Variants in ADAMTS6 observed in about 807,000 individuals in gnomAD.
The protein encoded by ADAMTS6 is ADAM metallopeptidase with thrombospondin type 1 motif 6.
In ADAMTS6, 23 loss-of-function variants were observed where a neutral mutation model predicts 144.3. That is an observed-to-expected ratio of 0.16 (90% confidence interval 0.11 to 0.23). ADAMTS6 has a LOEUF of 0.23. ADAMTS6 is among the 10% of genes least tolerant of loss of function. ADAMTS6 has a pLI of 1.00. For missense variants in ADAMTS6, 999 were observed against 1,379.6 expected (o/e 0.72, Z 4.37); for synonymous variants, 444 against 457.5 (o/e 0.97, Z 0.38).
chr5:65,385,587 TTTTA>T (rs1021371523), intron 7 of ADAMTS6, among the ~76,000 whole-genome samples: 18 of 152,208 alleles, frequency 1.2e-4, no homozygotes, highest in African/African-American at 3.1e-4. Flanking sequence ...TCATTTTTTA[TTTTA>T]TTTATTGTTA....
chr5:65,325,364 A>G (rs965147882), intron 9 of ADAMTS6, among the ~76,000 whole-genome samples: 2 of 152,160 alleles, frequency 1.3e-5, no homozygotes, highest in African/African-American at 4.8e-5. Flanking sequence ...TTCCTAATTC[A>G]TTTTATAAAA....
intron 7 of ADAMTS6, among the ~76,000 whole-genome samples, chr5:65,354,147 A>T (rs908063449): frequency 5.9e-5 from 9 of 151,936 alleles, no homozygotes; most frequent in African/African-American, 2.2e-4. Flanking sequence ...GCTGCTCTTA[A>T]ATTATGCAAT....
At chr5:65,164,090 G>A (rs1260698689) in intron 24 of ADAMTS6, among the ~76,000 whole-genome samples, 7 of 152,108 alleles carry the variant, frequency 4.6e-5, no homozygotes, top group African/African-American at 7.2e-5. Flanking sequence ...CGCAGAAGAC[G>A]GGTGATTTCT....
At chr5:65,208,975 T>C (rs1317106590) in intron 20 of ADAMTS6, among the ~76,000 whole-genome samples, 1 of 152,218 alleles carries the variant, frequency 6.6e-6, no homozygotes, top group Non-Finnish European at 1.5e-5. Context: ...TCAGAAATTG[T>C]TGGTAGAACA....
chr5:65,410,285 T>C (rs1172943302), intron 7 of ADAMTS6, among the ~76,000 whole-genome samples: 2 of 152,180 alleles, frequency 1.3e-5, no homozygotes, highest in Non-Finnish European at 2.9e-5. Context: ...TATTGTTAGA[T>C]AGAAATTCAA....
chr5:65,434,003 C>A (rs971353750), intron 7 of ADAMTS6, among the ~76,000 whole-genome samples: 1 of 152,154 alleles, frequency 6.6e-6, no homozygotes, highest in Non-Finnish European at 1.5e-5. Context: ...GGAGAAACAA[C>A]CCAGTCCATC....
At chr5:65,248,311 A>C (rs1201333819) in intron 14 of ADAMTS6, among the ~76,000 whole-genome samples, 1 of 152,054 alleles carries the variant, frequency 6.6e-6, no homozygotes, top group Non-Finnish European at 1.5e-5. Context: ...CTATATATTT[A>C]CTTTTAAAGC....
intron 22 of ADAMTS6, among the ~76,000 whole-genome samples, chr5:65,181,794 G>A (rs1754370064): frequency 6.6e-6 from 1 of 152,200 alleles, no homozygotes; most frequent in African/African-American, 2.4e-5. Context: ...CATATAGGAT[G>A]TATACGGAAC....
At chr5:65,181,381 G>C (rs1754341019) in intron 22 of ADAMTS6, among the ~76,000 whole-genome samples, 1 of 152,064 alleles carries the variant, frequency 6.6e-6, no homozygotes. Context: ...AGACTTAAGA[G>C]GATTTCTGCC....
At chr5:65,175,977 CA>C (rs1401741980) in intron 22 of ADAMTS6, among the ~76,000 whole-genome samples, 1 of 151,650 alleles carries the variant, frequency 6.6e-6, no homozygotes, top group African/African-American at 2.4e-5. Context: ...AGGTTTTCAA[CA>C]AAAGTAAAGT....
intron 21 of ADAMTS6, among the ~76,000 whole-genome samples, chr5:65,196,350 G>A (rs564562055): frequency 6.6e-5 from 10 of 151,698 alleles, no homozygotes; most frequent in East Asian, 1.9e-4. Context: ...GTGAAACCCC[G>A]TCTCTACTAA....
Position 65,214,677 on chromosome 5 carries a change from A to G in ADAMTS6, c.2575+117T>C. 1.3e-6 allele frequency: 2 copies of G among 1,481,492 alleles called. No homozygotes were observed. Among genetic ancestry groups the G allele is most frequent in the Non-Finnish European group, 1.9e-6 (2 of 1,071,220 alleles). 91.8% of individuals were successfully genotyped at this position (1,481,492 alleles called of 1,614,324 possible). A position where few individuals can be genotyped will look rare whatever the true frequency, so the allele number is the denominator to read the frequency against. ...GTTTCTTTTGCTAAATTACAGCTTGAAGCAAACCTGCAAGAAATGTTTCCA... is the reference window on the plus strand; with the variant it reads ...GTTTCTTTTGCTAAATTACAGCTTGGAGCAAACCTGCAAGAAATGTTTCCA... On this transcript the variant is annotated intron_variant, in intron 20 of 24. Transcript: ENST00000381055. The surrounding 1 kb of genome is among the most constrained non-coding windows in gnomAD (Gnocchi z 4.6).
In ADAMTS6 at chr5:65,300,006, T is replaced by C. The variant is rs372973372; in HGVS notation, c.1349A>G (p.Asp450Gly). ...TTACTCTAGAAAGCTGGTGATGTAGTCTCGACTGCAAGCAGACCAGGAAAA... is the reference window on the plus strand; with the variant it reads ...TTACTCTAGAAAGCTGGTGATGTAGCCTCGACTGCAAGCAGACCAGGAAAA... The part of the protein sequence containing the change: ...NPFSWSACSR[D>G]YITSFLDSGR... The change falls in exon 10 of 25, where the codon GAC becomes GGC. Residue 450 changes from aspartate (D) to glycine (G), a missense_variant. Asp to Gly is a moderately conservative substitution (Grantham distance 94, BLOSUM62 -1). Transcript: ENST00000381055. 1.3e-5 allele frequency: 21 copies of C among 1,613,878 alleles called. No individual in the cohort carries two copies. Among genetic ancestry groups the C allele is most frequent in the Non-Finnish European group, 1.8e-5 (21 of 1,179,934 alleles).
At chr5:65,259,961 C>T (rs957432841) in intron 14 of ADAMTS6, among the ~76,000 whole-genome samples, 6 of 152,062 alleles carry the variant, frequency 3.9e-5, no homozygotes, top group African/African-American at 1.4e-4. Flanking sequence ...CATTGTCAAT[C>T]CACTTTGAGG....
At chr5:65,158,390 C>G (rs150000071) in intron 24 of ADAMTS6, among the ~76,000 whole-genome samples, 1 of 152,200 alleles carries the variant, frequency 6.6e-6, no homozygotes, top group East Asian at 1.9e-4. Context: ...CCATTGTACA[C>G]TAACCACACC....
intron 7 of ADAMTS6, among the ~76,000 whole-genome samples, chr5:65,401,746 A>C (rs1226667364): frequency 1.3e-5 from 2 of 152,118 alleles, no homozygotes; most frequent in African/African-American, 4.8e-5. Context: ...CTGTGATCTC[A>C]CTTCTCTTAT....
At chr5:65,296,043 T>C (rs1440084038) in intron 10 of ADAMTS6, among the ~76,000 whole-genome samples, 1 of 152,154 alleles carries the variant, frequency 6.6e-6, no homozygotes, top group African/African-American at 2.4e-5. Flanking sequence ...TGATTTTAGA[T>C]GTATTTTCAC....
intron 7 of ADAMTS6, among the ~76,000 whole-genome samples, chr5:65,378,232 C>T (rs1296230113): frequency 6.6e-6 from 1 of 152,134 alleles, no homozygotes. Flanking sequence ...AGAACTGTTG[C>T]TTCAAATATA....
At chr5:65,252,681 A>AATTATT (rs943221674) in intron 14 of ADAMTS6, among the ~76,000 whole-genome samples, 1 of 151,890 alleles carries the variant, frequency 6.6e-6, no homozygotes, top group Non-Finnish European at 1.5e-5. Flanking sequence ...AACTAATAAC[A>AATTATT]ATTATTATTA....
Sources: gnomAD v4.1 joint callset for allele counts (sites outside exome capture counted in the v4.1 genomes callset) on GRCh38, gnomAD v4.1.1 for gene constraint, Gnocchi (gnomAD v3.1) non-coding constraint, MANE v1.5 for transcripts, NCBI Gene and HGNC (gene_info 2026-07-23, HGNC 2026-07-21) for gene names.